The following RGS18 variants were observed in gnomAD, a reference collection of about 807,000 sequenced individuals.
RGS18 encodes the protein regulator of G protein signaling 18, also known as regulator of G-protein signaling 18.
A neutral mutation model predicts 27.6 loss-of-function variants in RGS18; 22 were observed. That is an observed-to-expected ratio of 0.80 (90% CI 0.57 to 1.14). RGS18 has a LOEUF of 1.14. RGS18 is among the 50% of genes most tolerant of loss of function. The pLI is 0.00. For missense variants in RGS18, 299 were observed against 269.6 expected (o/e 1.11, Z -0.76); for synonymous variants, 89 against 84.6 (o/e 1.05, Z -0.29).
At chr1:192,159,738 T>C (rs1656037552) in intron 2 of RGS18, among the ~76,000 whole-genome samples, 2 of 152,282 alleles carry the variant, frequency 1.3e-5, no homozygotes, top group Non-Finnish European at 1.5e-5. Flanking sequence ...ACTTAGCATT[T>C]ATTTAATTCA....
rs372132274 is a variant in RGS18 at position 192,181,592 on chromosome 1, CAT to C, written c.450+135_450+136del. Reference sequence around the variant, plus strand: ...TTATAATTGACATGTAATAATTACACATGTTAATGACATACAGTGTGATGTTT... The same window carrying C: ...TTATAATTGACATGTAATAATTACACGTTAATGACATACAGTGTGATGTTT... On this transcript the variant is annotated intron_variant, in intron 4 of 4. Coordinates refer to ENST00000367460, the MANE Select transcript of RGS18 (RefSeq NM_130782.3). 554 of 573,642 alleles carry C rather than the reference CAT, an allele frequency of 9.7e-4. 1 individual carries two copies. Among genetic ancestry groups the C allele is most frequent in the Non-Finnish European group, 1.4e-3 (494 of 350,870 alleles). The allele number at this position is 573,642 out of a possible 1,614,324, so 35.5% of individuals were successfully genotyped here.
At chr1:192,161,502 A>G (rs1304276850) in intron 3 of RGS18, 2 of 152,108 alleles carry the variant, frequency 1.3e-5, no homozygotes, top group African/African-American at 4.8e-5. Flanking sequence ...TCACAGATTT[A>G]TTATTCTCCA....
intron 3 of RGS18, among the ~76,000 whole-genome samples, chr1:192,174,290 G>T (rs371254478): frequency 6.6e-6 from 1 of 151,504 alleles, no homozygotes; most frequent in South Asian, 2.1e-4. Flanking sequence ...ACCCCTTGCC[G>T]GCAAAGGACA....
At position 192,174,410 on chromosome 1, in the gene RGS18, T is replaced by C. The variant is rs192005065; in HGVS notation, c.284-6882T>C. Among the ~76,000 whole-genome samples, 334 of 151,940 alleles carry C rather than the reference T, an allele frequency of 2.2e-3. 4 individuals carry two copies. Among genetic ancestry groups the C allele is most frequent in the Non-Finnish European group, 1.6e-3 (107 of 67,794 alleles). The stretch of plus-strand genomic sequence containing the variant: ...TGTGCATTTGAAAAGATGTGTTTGG[T>C]AGATCATTTTGTAATTTTTCAATTC... On this transcript the variant is annotated intron_variant, in intron 3 of 4. Transcript: ENST00000367460.
intron 3 of RGS18, among the ~76,000 whole-genome samples, chr1:192,179,169 AG>A (rs71107498): frequency 6.6e-6 from 1 of 151,538 alleles, no homozygotes; most frequent in African/African-American, 2.4e-5. Context: ...TTGAAAAAGG[AG>A]GGGGTCAGTA....
At chr1:192,167,437 T>TA (rs1408695518) in intron 3 of RGS18, among the ~76,000 whole-genome samples, 2 of 151,978 alleles carry the variant, frequency 1.3e-5, no homozygotes, top group African/African-American at 4.8e-5. Context: ...TTTTTTTTTT[T>TA]TATATTGAAT....
intron 3 of RGS18, among the ~76,000 whole-genome samples, chr1:192,179,352 G>A (rs1479180567): frequency 6.6e-6 from 1 of 151,526 alleles, no homozygotes; most frequent in South Asian, 2.1e-4. Context: ...GATTTATTCT[G>A]AGAAAGTTTA....
intron 3 of RGS18, among the ~76,000 whole-genome samples, chr1:192,164,198 T>A (rs1019563000): frequency 6.6e-6 from 1 of 152,140 alleles, no homozygotes; most frequent in East Asian, 1.9e-4. Context: ...CCCTAGATTT[T>A]AGGGGATTAA....
chr1:192,158,997 A>G (rs1434622856), intron 1 of RGS18, among the ~76,000 whole-genome samples: 1 of 152,218 alleles, frequency 6.6e-6, no homozygotes, highest in Non-Finnish European at 1.5e-5. Context: ...TGCAATCTTT[A>G]TTGAAATATA....
At chr1:192,171,682 G>T (rs1277691761) in intron 3 of RGS18, among the ~76,000 whole-genome samples, 1 of 151,940 alleles carries the variant, frequency 6.6e-6, no homozygotes, top group African/African-American at 2.4e-5. Flanking sequence ...TCTATAGGTT[G>T]TCATATCTTT....
Position 192,181,372 on chromosome 1 carries a change from T to G in RGS18, c.364T>G (p.Phe122Val), listed in dbSNP as rs746061296. ...TGAATTTTGGATAGCCTGTGAAGAT[T>G]TCAAGAAAAGCAAGGGACCTCAACA... ...NIEFWIACEDFKKSKGPQQIH... is the reference protein window; with the variant it reads ...NIEFWIACEDVKKSKGPQQIH... Residue 122 changes from phenylalanine to valine, a missense_variant, in exon 4 of 5, where the codon TTC becomes GTC. Physicochemically the swap from Phe to Val is conservative, Grantham distance 50. Transcript: ENST00000367460. 1.9e-6 allele frequency: 3 copies of G among 1,593,276 alleles called. No individual in the cohort carries two copies. The African/African-American group carries it at 4.1e-5, about 22-fold the overall frequency.
In RGS18 at chr1:192,184,355, T is replaced by C. The variant is rs774789874; in HGVS notation, c.509T>C (p.Leu170Pro). ...VITNSITQPT[L>P]HSFDAAQSRV... ...ACAAACAGCATCACTCAACCTACCC[T>C]CCACAGTTTTGATGCTGCACAAAGC... The change falls in exon 5 of 5, where the codon CTC (leucine) becomes CCC (proline). Residue 170 changes from leucine to proline, a missense_variant. Transcript: ENST00000367460. 8 of 1,611,418 alleles carry C rather than the reference T, an allele frequency of 5.0e-6. No individual in the cohort carries two copies. Among genetic ancestry groups the C allele is most frequent in the Non-Finnish European group, 5.9e-6 (7 of 1,178,368 alleles).
chr1:192,177,748 A>G (rs1656381679), intron 3 of RGS18, among the ~76,000 whole-genome samples: 1 of 151,766 alleles, frequency 6.6e-6, no homozygotes, highest in Non-Finnish European at 1.5e-5. Flanking sequence ...GGAAGGGAAA[A>G]GTATTCTCAA....
At chr1:192,182,651 G>A (rs1019535909) in intron 4 of RGS18, among the ~76,000 whole-genome samples, 1 of 151,392 alleles carries the variant, frequency 6.6e-6, no homozygotes, top group Non-Finnish European at 1.5e-5. Flanking sequence ...TATCACAGAA[G>A]GAAAAGTACA....
intron 3 of RGS18, among the ~76,000 whole-genome samples, chr1:192,165,394 C>T (rs2102152413): frequency 6.6e-6 from 1 of 152,252 alleles, no homozygotes; most frequent in Admixed American, 6.5e-5. Context: ...CTTGTCCTGC[C>T]CATTTGCCTT....
chr1:192,165,518 G>T (rs1240456983), intron 3 of RGS18, among the ~76,000 whole-genome samples: 1 of 152,148 alleles, frequency 6.6e-6, no homozygotes, highest in East Asian at 1.9e-4. Flanking sequence ...GGCTCAGGGG[G>T]CATCACGGAA....
At chr1:192,164,966 G>A (rs1435161920) in intron 3 of RGS18, among the ~76,000 whole-genome samples, 1 of 152,154 alleles carries the variant, frequency 6.6e-6, no homozygotes, top group African/African-American at 2.4e-5. Context: ...TAACAGCAAT[G>A]TTCAGGGAAC....
At chr1:192,166,815 C>A (rs1656171059) in intron 3 of RGS18, among the ~76,000 whole-genome samples, 1 of 152,026 alleles carries the variant, frequency 6.6e-6, no homozygotes, top group Non-Finnish European at 1.5e-5. Context: ...CCATGGTAAA[C>A]CTTATCAAAA....
intron 3 of RGS18, among the ~76,000 whole-genome samples, chr1:192,172,863 G>T (rs868279905): frequency 1.7e-5 from 1 of 57,258 alleles, no homozygotes; most frequent in African/African-American, 3.9e-5. Flanking sequence ...AGAAAAATAT[G>T]CATATATATA....
Sources: allele counts gnomAD v4.1 joint callset (sites outside exome capture counted in the v4.1 genomes callset), GRCh38; gene constraint gnomAD v4.1.1; transcripts MANE v1.5; gene names NCBI Gene and HGNC (gene_info 2026-07-23, HGNC 2026-07-21).